The following MEGF11 variants were observed in gnomAD, a reference collection of about 807,000 sequenced individuals.
The protein encoded by MEGF11 is multiple EGF like domains 11.
Under a neutral mutation model 146.6 loss-of-function variants are expected in MEGF11, and 126 were observed. The observed-to-expected ratio is 0.86, with a 90% CI of 0.74 to 1.00. MEGF11 has a LOEUF of 1.00. Among genes scored for constraint, MEGF11 ranks in the 50% least tolerant of loss-of-function variants. The pLI, the probability that MEGF11 is intolerant of heterozygous loss-of-function variation, is 0.00. For missense variants in MEGF11, 1,509 were observed against 1,521.2 expected (o/e 0.99, Z 0.13); for synonymous variants, 532 against 583.4 (o/e 0.91, Z 1.27).
intron 1 of MEGF11, among the ~76,000 whole-genome samples, chr15:66,142,485 C>A (rs937166073): frequency 1.3e-5 from 2 of 152,240 alleles, no homozygotes; most frequent in African/African-American, 4.8e-5. Context: ...ATTTCACCCA[C>A]TGTGGAGCAA....
intron 1 of MEGF11, among the ~76,000 whole-genome samples, chr15:66,230,459 G>A (rs2091946813): frequency 6.6e-6 from 1 of 152,210 alleles, no homozygotes; most frequent in South Asian, 2.1e-4. Context: ...TTTTGGTGAT[G>A]TGACTAGAGA....
intron 5 of MEGF11, among the ~76,000 whole-genome samples, chr15:66,046,857 G>A (rs2084225491): frequency 6.6e-6 from 1 of 152,158 alleles, no homozygotes; most frequent in South Asian, 2.1e-4. Context: ...GCTCACCTGT[G>A]TACAATCTGC....
intron 1 of MEGF11, among the ~76,000 whole-genome samples, chr15:66,128,901 G>T (rs776676447): frequency 7.2e-5 from 11 of 152,158 alleles, no homozygotes; most frequent in Non-Finnish European, 1.3e-4. Flanking sequence ...GACCTGGGGG[G>T]AAATGAGCCA....
chr15:65,924,384 GC>G (rs1417110764), intron 13 of MEGF11, among the ~76,000 whole-genome samples: 7 of 95,308 alleles, frequency 7.3e-5, no homozygotes, highest in African/African-American at 1.8e-4. Flanking sequence ...GGGGGGGGGG[GC>G]AAGTGGTTTC....
At chr15:65,915,657 A>G (rs1375524602) in intron 18 of MEGF11, 59 bp from the exon 19 acceptor site, 7 of 1,585,094 alleles carry the variant, frequency 4.4e-6, no homozygotes, top group Non-Finnish European at 5.2e-6. Flanking sequence ...CTCCCCTTCC[A>G]TGTTTAGACA....
chr15:65,970,720 G>A (rs372608662), intron 7 of MEGF11, 31 bp from the exon 8 acceptor site: 51 of 1,586,592 alleles, frequency 3.2e-5, no homozygotes, highest in East Asian at 6.9e-5. Flanking sequence ...CATGCATGGC[G>A]GTGCTCCAGA....
intron 14 of MEGF11, 29 bp downstream of exon 14, chr15:65,922,794 G>A: frequency 6.2e-7 from 1 of 1,611,836 alleles, no homozygotes; most frequent in South Asian, 1.1e-5. Context: ...AGCCCTCTGA[G>A]CTCTTCGGGG....
chr15:66,004,831 C>A (rs1015454645), intron 5 of MEGF11, among the ~76,000 whole-genome samples: 1 of 152,176 alleles, frequency 6.6e-6, no homozygotes, highest in African/African-American at 2.4e-5. Context: ...TTTCTGCAGG[C>A]AATGGGACCC....
chr15:66,076,771 C>T (rs1219662449), intron 5 of MEGF11, among the ~76,000 whole-genome samples: 8 of 152,214 alleles, frequency 5.3e-5, no homozygotes, highest in Non-Finnish European at 1.0e-4. Flanking sequence ...CTGCCCAGAT[C>T]CATTCACCAA....
chr15:66,249,833 C>A (rs2092346565), intron 1 of MEGF11, among the ~76,000 whole-genome samples: 1 of 152,200 alleles, frequency 6.6e-6, no homozygotes, highest in Non-Finnish European at 1.5e-5. Flanking sequence ...GGCCCAGTAA[C>A]CTGTGTTTTC....
intron 1 of MEGF11, among the ~76,000 whole-genome samples, chr15:66,147,195 A>G (rs1041368828): frequency 6.6e-6 from 1 of 152,152 alleles, no homozygotes; most frequent in African/African-American, 2.4e-5. Flanking sequence ...ACAGAAGCCC[A>G]GTCCATATCA....
chr15:65,901,306 A>G (rs1596810307), intron 24 of MEGF11, among the ~76,000 whole-genome samples: 1 of 151,628 alleles, frequency 6.6e-6, no homozygotes, highest in Admixed American at 6.6e-5. Flanking sequence ...AAGAAAGGCT[A>G]TTGCACCTGC....
chr15:65,955,764 ATAT>A (rs1567174908), intron 10 of MEGF11, among the ~76,000 whole-genome samples: 15 of 8,668 alleles, frequency 1.7e-3, no homozygotes, highest in African/African-American at 3.3e-3. Context: ...AAAAAAAAAT[ATAT>A]ATATATATAT....
intron 5 of MEGF11, among the ~76,000 whole-genome samples, chr15:66,047,602 T>C (rs1249532201): frequency 2.6e-5 from 4 of 152,232 alleles, no homozygotes. Context: ...AGACACCTTC[T>C]TCAGGTCCTT....
chr15:66,056,880 G>A (rs2140383394), intron 5 of MEGF11, among the ~76,000 whole-genome samples: 1 of 152,352 alleles, frequency 6.6e-6, no homozygotes, highest in Non-Finnish European at 1.5e-5. Flanking sequence ...GATGCCAGGA[G>A]CAGCTTTCGC....
At position 65,977,166 on chromosome 15, in the gene MEGF11, C is replaced by CAAAAAAAAAA. The variant is rs372969314; in HGVS notation, c.762+3602_762+3611dup. Among the ~76,000 whole-genome samples, 6 of 91,304 alleles carry CAAAAAAAAAA rather than the reference C, an allele frequency of 6.6e-5. 2 individuals are homozygous for CAAAAAAAAAA. The highest frequency in any genetic ancestry group is 9.7e-5 in the Non-Finnish European group (4 of 41,370). 59.9% of individuals were successfully genotyped at this position (91,304 alleles called of 152,430 possible). The stretch of plus-strand genomic sequence containing the variant: ...CCTGGGCAAGATTGAGACTCCGTCT[C>CAAAAAAAAAA]AAAAAAAAAAGAGGATCTTGGCTAA... On this transcript the variant is annotated intron_variant, in intron 7 of 25. Transcript: ENST00000395614.
chr15:66,032,872 G>T (rs959610109), intron 5 of MEGF11, among the ~76,000 whole-genome samples: 1 of 152,138 alleles, frequency 6.6e-6, no homozygotes, highest in Non-Finnish European at 1.5e-5. Context: ...ATGAGGTCAG[G>T]AGGTCGAGAC....
Position 65,916,139 on chromosome 15 carries a change from G to A in MEGF11, c.2344+9C>T. 1 of 1,581,906 alleles carries A rather than the reference G, an allele frequency of 6.3e-7. No individual in the cohort carries two copies. Among genetic ancestry groups the A allele is most frequent in the Non-Finnish European group, 8.6e-7 (1 of 1,161,826 alleles). ...GCATCACCCAGGATCAGGGGTCAGG[G>A]CAGCTTACTCTGCTCACAGTGTTGC... On this transcript the variant is annotated intron_variant, in intron 18 of 25. Coordinates refer to ENST00000395614, the MANE Select transcript of MEGF11 (RefSeq NM_001385028.1).
At chr15:66,112,044 G>A (rs1044036966) in intron 4 of MEGF11, among the ~76,000 whole-genome samples, 8 of 151,144 alleles carry the variant, frequency 5.3e-5, no homozygotes, top group African/African-American at 1.7e-4. Context: ...AACAATTTGG[G>A]GCATAAGGGA....
Sources: gnomAD v4.1 joint callset for allele counts (sites outside exome capture counted in the v4.1 genomes callset) on GRCh38, gnomAD v4.1.1 for gene constraint, MANE v1.5 for transcripts, NCBI Gene and HGNC (gene_info 2026-07-23, HGNC 2026-07-21) for gene names.